MACROD1: variants seen among roughly 807,000 people sequenced by gnomAD.
The protein encoded by MACROD1 is ADP-ribose glycohydrolase MACROD1.
MACROD1 carries 31 observed loss-of-function variants against 41.4 expected under a neutral mutation model. The ratio of observed to expected loss-of-function variants is 0.75; its 90% CI spans 0.56 to 1.01. The LOEUF (loss-of-function observed/expected upper bound fraction) is 1.01. MACROD1 is among the 50% of genes least tolerant of loss of function. The pLI, the probability that MACROD1 is intolerant of heterozygous loss-of-function variation, is 0.00. For missense variants in MACROD1, 473 were observed against 460.0 expected, an observed-to-expected ratio of 1.03 and a Z score of -0.26; for synonymous variants, 252 against 203.4, an observed-to-expected ratio of 1.24 and a Z score of -2.03.
chr11:64,131,897 G>A (rs1029358671), intron 3 of MACROD1, among the ~76,000 whole-genome samples: 7 of 152,330 alleles, frequency 4.6e-5, no homozygotes, highest in Non-Finnish European at 7.3e-5. Context: ...AAGAAGCTGA[G>A]GAGGGGGGCA....
At chr11:64,113,006 A>T (rs557105631) in intron 3 of MACROD1, among the ~76,000 whole-genome samples, 1 of 152,334 alleles carries the variant, frequency 6.6e-6, no homozygotes, top group African/African-American at 2.4e-5. Flanking sequence ...GTTTGGTGAC[A>T]TGAAAACACC....
At chr11:64,084,497 T>G (rs1402611438) in intron 3 of MACROD1, among the ~76,000 whole-genome samples, 2 of 152,180 alleles carry the variant, frequency 1.3e-5, no homozygotes. Context: ...ACAGTGAGCC[T>G]TGGGGTCACG....
At chr11:64,107,901 G>C (rs1590918587) in intron 3 of MACROD1, among the ~76,000 whole-genome samples, 1 of 152,214 alleles carries the variant, frequency 6.6e-6, no homozygotes, top group African/African-American at 2.4e-5. Context: ...TGCAGTTCAT[G>C]TCTGGGGCTC....
At chr11:64,032,477 G>A (rs998490773) in intron 3 of MACROD1, among the ~76,000 whole-genome samples, 2 of 152,146 alleles carry the variant, frequency 1.3e-5, no homozygotes, top group African/African-American at 4.8e-5. Context: ...GAGAGGTAAG[G>A]ATGCTTCGGG....
chr11:64,148,682 G>T, intron 3 of MACROD1: 1 of 948,388 alleles, frequency 1.1e-6, no homozygotes, highest in Non-Finnish European at 1.3e-6. Context: ...CTTTACATAT[G>T]AATTAAGCAC....
rs994741585 is a variant in MACROD1, at chr11:64,165,974, C to G, written c.21G>C (p.Leu7=). 3.9e-6 allele frequency: 5 copies of G among 1,294,260 alleles called. No homozygotes were observed. In the African/African-American group the frequency reaches 6.2e-5, roughly 16 times the overall value. The allele number at this position is 1,294,260 out of a possible 1,614,324, so 80.2% of individuals were successfully genotyped here. A position where few individuals can be genotyped will look rare whatever the true frequency, so the allele number is the denominator to read the frequency against. ...CGCGCAGCTGTGCCAGGCGGCCGGA[C>G]AGTCGGCTCTGTAGAGACATGAGCG... MSLQSR[L]SGRLAQLRAA... is the part of the protein sequence containing the mutation. The change falls in exon 1 of 11, where the codon CTG becomes CTC. Residue 7 remains leucine, a synonymous_variant. Coordinates refer to ENST00000255681, the MANE Select transcript of MACROD1 (RefSeq NM_014067.4).
At chr11:64,055,640 C>T (rs969388634) in intron 3 of MACROD1, among the ~76,000 whole-genome samples, 2 of 152,204 alleles carry the variant, frequency 1.3e-5, no homozygotes, top group African/African-American at 4.8e-5. Context: ...GCTTCTATTC[C>T]CCGGGGCCTG....
chr11:64,129,079 A>G (rs1423882814), intron 3 of MACROD1, among the ~76,000 whole-genome samples: 4 of 152,238 alleles, frequency 2.6e-5, no homozygotes, highest in Non-Finnish European at 5.9e-5. Context: ...ACACCTGTGG[A>G]GCCCTCGAAG....
chr11:64,064,473 G>A lies in MACROD1; in HGVS notation c.518-49192C>T, dbSNP rs78808354. On this transcript the variant is annotated intron_variant, in intron 3 of 10. Coordinates refer to ENST00000255681, the MANE Select transcript of MACROD1 (RefSeq NM_014067.4). The surrounding 1 kb of genome is among the most constrained non-coding windows in gnomAD (Gnocchi z 4.5). The stretch of plus-strand genomic sequence containing the variant: ...TCTGTTTTCTCTTGGCCAAAGAACC[G>A]GAGGCCTCAGGCCTGCCCCGGATGG... 0.012 allele frequency among the ~76,000 whole-genome samples: 1,771 copies of A among 152,228 alleles called. 15 individuals are homozygous for A. Among genetic ancestry groups the A allele is most frequent in the Non-Finnish European group, 0.019 (1,283 of 67,986 alleles).
At chr11:64,117,248 C>T (rs929171159) in intron 3 of MACROD1, 1 of 1,614,212 alleles carries the variant, frequency 6.2e-7, no homozygotes. Context: ...TGCTCAGGAA[C>T]AACCCTTGGT....
At chr11:64,131,806 G>T (rs1201705283) in intron 3 of MACROD1, among the ~76,000 whole-genome samples, 3 of 152,216 alleles carry the variant, frequency 2.0e-5, no homozygotes, top group Non-Finnish European at 4.4e-5. Flanking sequence ...GAGCTCACGT[G>T]CTGCCTGCCG....
At chr11:64,068,916 G>A (rs769277138) in intron 3 of MACROD1, among the ~76,000 whole-genome samples, 2 of 152,250 alleles carry the variant, frequency 1.3e-5, no homozygotes, top group Non-Finnish European at 2.9e-5. Context: ...GGGCATCCGT[G>A]TGAACCCCCA....
At chr11:64,078,694 G>A (rs2134483283) in intron 3 of MACROD1, among the ~76,000 whole-genome samples, 1 of 152,256 alleles carries the variant, frequency 6.6e-6, no homozygotes. Flanking sequence ...AGGTGCCCCA[G>A]CAGCAAAGGG....
intron 1 of MACROD1, among the ~76,000 whole-genome samples, chr11:64,161,145 T>G (rs1590983692): frequency 6.6e-6 from 1 of 152,230 alleles, no homozygotes; most frequent in Non-Finnish European, 1.5e-5. Context: ...CACTCCAGCC[T>G]GGGCGACAGA....
intron 3 of MACROD1, among the ~76,000 whole-genome samples, chr11:64,107,922 G>A (rs546804470): frequency 2.0e-5 from 3 of 152,316 alleles, no homozygotes; most frequent in Admixed American, 1.3e-4. Context: ...AGGGAAGAAT[G>A]GCTCATTGCT....
chr11:64,143,753 T>TACACACACACACACACACAC lies in MACROD1; in HGVS notation c.517+7466_517+7485dup, dbSNP rs55995667. 8.8e-4 allele frequency among the ~76,000 whole-genome samples: 89 copies of TACACACACACACACACACAC among 101,656 alleles called. 4 individuals carry two copies. The highest frequency in any genetic ancestry group is 3.6e-3 in the East Asian group (12 of 3,372). 66.7% of individuals were successfully genotyped at this position (101,656 alleles called of 152,430 possible). ...CCTTCCCCCAACCCCGACACACACATACACACACACACACACACACACACA... is the reference window on the plus strand; with the variant it reads ...CCTTCCCCCAACCCCGACACACACATACACACACACACACACACACACACACACACACACACACACACACA... On this transcript the variant is annotated intron_variant, in intron 3 of 10. Transcript: ENST00000255681.
intron 3 of MACROD1, among the ~76,000 whole-genome samples, chr11:64,022,048 C>T (rs554753756): frequency 4.8e-5 from 7 of 145,246 alleles, no homozygotes; most frequent in Non-Finnish European, 9.0e-5. Context: ...GGGTGGGGGA[C>T]GAGGAGCAAA....
chr11:64,086,114 A>G (rs939356542), intron 3 of MACROD1, among the ~76,000 whole-genome samples: 4 of 152,164 alleles, frequency 2.6e-5, no homozygotes, highest in Admixed American at 1.3e-4. Context: ...ATGAGCACTC[A>G]GCACTGGTGG....
At chr11:64,009,517 A>AG (rs1167530255) in intron 4 of MACROD1, among the ~76,000 whole-genome samples, 1 of 152,226 alleles carries the variant, frequency 6.6e-6, no homozygotes, top group Non-Finnish European at 1.5e-5. Flanking sequence ...GGCAGAGCCA[A>AG]GCCCTGAGTC....
Sources: allele counts gnomAD v4.1 joint callset (sites outside exome capture counted in the v4.1 genomes callset), GRCh38; gene constraint gnomAD v4.1.1; non-coding constraint Gnocchi (gnomAD v3.1); transcripts MANE v1.5; gene names NCBI Gene and HGNC (gene_info 2026-07-23, HGNC 2026-07-21).